Variants in SLIT3 observed in about 807,000 individuals in gnomAD.
The protein encoded by SLIT3 is slit homolog 3 protein.
SLIT3 carries 68 observed loss-of-function variants against 184.0 expected under a neutral mutation model. The observed-to-expected ratio is 0.37, with a 90% CI of 0.30 to 0.45. The LOEUF (loss-of-function observed/expected upper bound fraction) is 0.45, where lower values mean the gene tolerates loss of function less well. SLIT3 is among the 20% of genes least tolerant of loss of function. SLIT3 has a pLI of 1.00. For missense variants in SLIT3, 1,707 were observed against 2,026.0 expected (o/e 0.84, Z 3.02); for synonymous variants, 831 against 828.6 (o/e 1.00, Z -0.05).
intron 1 of SLIT3, among the ~76,000 whole-genome samples, chr5:169,281,231 C>T (rs1258620613): frequency 1.3e-5 from 2 of 152,202 alleles, no homozygotes; most frequent in Non-Finnish European, 2.9e-5. Context: ...CTCATCCCAG[C>T]ACTTTGGGAG....
At chr5:169,047,100 C>T (rs563152393) in intron 4 of SLIT3, among the ~76,000 whole-genome samples, 47 of 152,256 alleles carry the variant, frequency 3.1e-4, no homozygotes, top group Admixed American at 2.5e-3. Context: ...CACAACAATG[C>T]ATAGCTGAAA....
intron 1 of SLIT3, among the ~76,000 whole-genome samples, chr5:169,268,075 C>G (rs962417840): frequency 7.9e-5 from 12 of 152,186 alleles, no homozygotes; most frequent in African/African-American, 2.9e-4. Context: ...AAAGTGAGTT[C>G]AGGCTGAGCT....
chr5:168,738,296 C>T (rs1380031586), intron 20 of SLIT3, among the ~76,000 whole-genome samples: 1 of 152,208 alleles, frequency 6.6e-6, no homozygotes, highest in Non-Finnish European at 1.5e-5. Flanking sequence ...CCAAATGAAA[C>T]TGGTGGTCAC....
chr5:168,671,816 C>T (rs1237517296), intron 33 of SLIT3, among the ~76,000 whole-genome samples: 1 of 152,126 alleles, frequency 6.6e-6, no homozygotes, highest in African/African-American at 2.4e-5. Context: ...CTGAGGAGAC[C>T]GTTCCCCCCA....
intron 16 of SLIT3, among the ~76,000 whole-genome samples, chr5:168,754,211 A>C (rs1416140154): frequency 6.6e-6 from 1 of 152,170 alleles, no homozygotes; most frequent in Admixed American, 6.5e-5. Flanking sequence ...GGCCCTATAC[A>C]GGTGAAGCTA....
intron 1 of SLIT3, among the ~76,000 whole-genome samples, chr5:169,279,858 C>T (rs1766937204): frequency 6.6e-6 from 1 of 152,158 alleles, no homozygotes; most frequent in African/African-American, 2.4e-5. Context: ...ATAATAGTAC[C>T]CACCTCACAG....
chr5:168,958,247 G>A (rs1204483696), intron 4 of SLIT3, among the ~76,000 whole-genome samples: 1 of 152,158 alleles, frequency 6.6e-6, no homozygotes, highest in Non-Finnish European at 1.5e-5. Flanking sequence ...ACCTCCTAGT[G>A]GTGAATAGGG....
At chr5:168,715,168 G>C (rs760435140) in intron 23 of SLIT3, among the ~76,000 whole-genome samples, 8 of 152,182 alleles carry the variant, frequency 5.3e-5, no homozygotes, top group Admixed American at 2.0e-4. Context: ...TCTGATACTG[G>C]CTGTGTGAGC....
At chr5:168,818,409 A>C (rs1008633483) in intron 7 of SLIT3, among the ~76,000 whole-genome samples, 1 of 152,138 alleles carries the variant, frequency 6.6e-6, no homozygotes, top group African/African-American at 2.4e-5. Context: ...CAAACTAAGG[A>C]TATCCAGGGG....
At chr5:168,840,443 A>ATTT (rs34042363) in intron 6 of SLIT3, among the ~76,000 whole-genome samples, 12 of 142,076 alleles carry the variant, frequency 8.4e-5, no homozygotes, top group African/African-American at 2.9e-4. Flanking sequence ...AGAGTTAAGC[A>ATTT]TTTTTTTTTT....
intron 3 of SLIT3, among the ~76,000 whole-genome samples, chr5:169,211,148 C>T (rs533698754): frequency 4.6e-5 from 7 of 152,298 alleles, no homozygotes; most frequent in African/African-American, 1.4e-4. Context: ...CTAAGACCAT[C>T]TGAAACAGCC....
chr5:168,843,377 C>G (rs946188262), intron 6 of SLIT3, among the ~76,000 whole-genome samples: 2 of 152,164 alleles, frequency 1.3e-5, no homozygotes, highest in Non-Finnish European at 2.9e-5. Flanking sequence ...ATTTGGCATT[C>G]ATTGATTCTT....
chr5:169,138,238 C>T (rs371016787), intron 4 of SLIT3, among the ~76,000 whole-genome samples: 17 of 152,326 alleles, frequency 1.1e-4, no homozygotes, highest in African/African-American at 3.6e-4. Flanking sequence ...CTCCCGTAAA[C>T]GCATGGGACT....
At chr5:168,862,423 C>A (rs778488474) in intron 5 of SLIT3, among the ~76,000 whole-genome samples, 3 of 152,154 alleles carry the variant, frequency 2.0e-5, no homozygotes, top group South Asian at 2.1e-4. Flanking sequence ...GGACATCCTG[C>A]TAAAGAAAAA....
chr5:168,681,541 G>T (rs73322416), intron 32 of SLIT3, among the ~76,000 whole-genome samples: 1,898 of 152,326 alleles, frequency 0.012, 38 homozygotes, highest in African/African-American at 0.042. Context: ...GAGTGCCAGG[G>T]CATCCTTAGC....
intron 26 of SLIT3, among the ~76,000 whole-genome samples, chr5:168,704,683 AG>A (rs1459425498): frequency 1.3e-5 from 2 of 152,248 alleles, no homozygotes; most frequent in African/African-American, 2.4e-5. Context: ...GCATTATAGT[AG>A]ATTAAGAGTA....
intron 1 of SLIT3, among the ~76,000 whole-genome samples, chr5:169,270,717 CACA>C: frequency 6.6e-6 from 1 of 152,132 alleles, no homozygotes; most frequent in Non-Finnish European, 1.5e-5. Context: ...GAATAACAAG[CACA>C]ACAATAGTAT....
At chr5:169,144,537 T>C (rs978910243) in intron 4 of SLIT3, among the ~76,000 whole-genome samples, 4 of 152,232 alleles carry the variant, frequency 2.6e-5, no homozygotes, top group Non-Finnish European at 5.9e-5. Flanking sequence ...TAGCACAGCG[T>C]CTAGATGCTC....
At chr5:169,192,442 T>TGTGA (rs1459038175) in intron 4 of SLIT3, among the ~76,000 whole-genome samples, 1 of 152,072 alleles carries the variant, frequency 6.6e-6, no homozygotes, top group Non-Finnish European at 1.5e-5. Context: ...TGTGTGTGTG[T>TGTGA]GTGTGTGTGT....
Sources: gnomAD v4.1 joint callset for allele counts (sites outside exome capture counted in the v4.1 genomes callset) on GRCh38, gnomAD v4.1.1 for gene constraint, MANE v1.5 for transcripts, NCBI Gene and HGNC (gene_info 2026-07-23, HGNC 2026-07-21) for gene names.